Variants in PEX16 observed in about 807,000 individuals in gnomAD.
The protein encoded by PEX16 is peroxisomal biogenesis factor 16, also known as peroxin 16.
A neutral mutation model predicts 50.5 loss-of-function variants in PEX16; 37 were observed. The ratio of observed to expected loss-of-function variants is 0.73; its 90% CI spans 0.56 to 0.96. The LOEUF is 0.96. PEX16 is among the 40% of genes least tolerant of loss of function. PEX16 has a pLI of 0.00. For synonymous variants in PEX16, 185 were observed against 190.3 expected, an observed-to-expected ratio of 0.97 and a Z score of 0.23; for missense variants, 401 against 438.3, an observed-to-expected ratio of 0.91 and a Z score of 0.76.
At chr11:45,917,678 T>G (rs1286356928) in intron 1 of PEX16, 22 bp downstream of exon 1, 6 of 1,540,070 alleles carry the variant, frequency 3.9e-6, no homozygotes, top group Non-Finnish European at 5.3e-6. Context: ...CAGAAGGAAC[T>G]GATCAAAGGT....
chr11:45,910,332 C>T lies in PEX16; in HGVS notation c.953-20G>A, dbSNP rs1429078823. 2 of 1,598,192 alleles carry T rather than the reference C, an allele frequency of 1.3e-6. No homozygotes were observed. Among genetic ancestry groups the T allele is most frequent in the African/African-American group, 2.7e-5 (2 of 74,658 alleles). On this transcript the variant is annotated intron_variant, in intron 10 of 10. Transcript: ENST00000378750. ...GCGGCCCTGCAGTGGGAGAGGGACACATCAGGGCAGGCCAGACCCCAATCT... is the reference window on the plus strand; with the variant it reads ...GCGGCCCTGCAGTGGGAGAGGGACATATCAGGGCAGGCCAGACCCCAATCT...
upstream of PEX16, chr11:45,917,968 C>A (rs2086858561): frequency 1.4e-6 from 1 of 694,564 alleles, no homozygotes; most frequent in Non-Finnish European, 2.6e-6. Context: ...ACCGGTGAAC[C>A]ACCCTTCACC....
intron 3 of PEX16, 56 bp from the exon 4 acceptor site, chr11:45,915,892 G>C: frequency 6.4e-7 from 1 of 1,565,848 alleles, no homozygotes; most frequent in Non-Finnish European, 8.8e-7. Flanking sequence ...GGAGTCCCAG[G>C]CCCTTCTCCT....
rs1188619002 is a variant in PEX16, at chr11:45,915,949, G to T, written c.226-113C>A. ...GAGATGTGGACCTTCCCCTTTCCAA[G>T]CCTAACTGTGCAGGTGTGAGTTCAA... On this transcript the variant is annotated intron_variant, in intron 3 of 10. Transcript: ENST00000378750. 1.2e-5 allele frequency: 13 copies of T among 1,066,580 alleles called. No individual in the cohort carries two copies. In the Admixed American group the frequency reaches 2.4e-4, roughly 20 times the overall value. 66.1% of individuals were successfully genotyped at this position (1,066,580 alleles called of 1,614,324 possible). A position where few individuals can be genotyped will look rare whatever the true frequency, so the allele number is the denominator to read the frequency against.
Position 45,914,467 on chromosome 11 carries a change from C to T in PEX16, c.543G>A (p.Thr181=), listed in dbSNP as rs144063598. 134 of 1,607,550 alleles carry T rather than the reference C, an allele frequency of 8.3e-5. No homozygotes were observed. The African/African-American group carries it at 1.1e-3, about 14-fold the overall frequency. ...SNRVVRTLQN[T]PSLHSRHWGA... is the part of the protein sequence containing the mutation. ...CCCAGTGCCTGGAGTGCAGGGACGGCGCTAGAACACAAGGGCGGCAGATGA... is the reference window on the plus strand; with the variant it reads ...CCCAGTGCCTGGAGTGCAGGGACGGTGCTAGAACACAAGGGCGGCAGATGA... Residue 181 remains threonine (T), a splice_region_variant and synonymous_variant, in exon 7 of 11, where the codon ACG becomes ACA. Transcript: ENST00000378750.
chr11:45,917,631 G>A, intron 1 of PEX16, 69 bp downstream of exon 1: 1 of 1,463,614 alleles, frequency 6.8e-7, no homozygotes, highest in Non-Finnish European at 9.4e-7. Context: ...CCCTGACTCC[G>A]CAGGGAAGGG....
rs2086757419 is a variant in PEX16, at chr11:45,909,921, A to G, written c.*333T>C. ...CCTCACCAGGGGCCAGCGAGAGAGC[A>G]GCAGTGTTCGCTCCTATGGCTGCCG... On this transcript the variant is annotated 3_prime_UTR_variant, in exon 11 of 11. Transcript: ENST00000378750. 2 of 656,294 alleles carry G rather than the reference A, an allele frequency of 3.0e-6. No homozygotes were observed. The highest frequency in any genetic ancestry group is 5.5e-6 in the Non-Finnish European group (2 of 365,694). 40.7% of individuals were successfully genotyped at this position (656,294 alleles called of 1,614,324 possible).
intron 9 of PEX16, among the ~76,000 whole-genome samples, chr11:45,912,664 T>C (rs2086790656): frequency 6.6e-6 from 1 of 151,992 alleles, no homozygotes; most frequent in Admixed American, 6.5e-5. Context: ...CCATCACACC[T>C]GGCTAATTTT....
intron 9 of PEX16, among the ~76,000 whole-genome samples, chr11:45,911,729 G>A (rs1403836978): frequency 6.6e-6 from 1 of 152,184 alleles, no homozygotes; most frequent in Admixed American, 6.5e-5. Flanking sequence ...AGCAAGAAAA[G>A]AGGAAGCCTG....
chr11:45,911,575 G>A (rs112066054), intron 9 of PEX16, among the ~76,000 whole-genome samples: 3 of 152,218 alleles, frequency 2.0e-5, no homozygotes, highest in Non-Finnish European at 2.9e-5. Flanking sequence ...ACTGCTGTAC[G>A]CGTTAGTCAC....
At chr11:45,911,113 C>G in intron 9 of PEX16, 151 bp from the exon 10 acceptor site, 1 of 659,854 alleles carries the variant, frequency 1.5e-6, no homozygotes, top group Non-Finnish European at 2.7e-6. Context: ...GGACAAAGCC[C>G]GGTACACAAG....
intron 9 of PEX16, 90 bp downstream of exon 9, chr11:45,913,729 G>A (rs2086800904): frequency 2.1e-6 from 3 of 1,440,092 alleles, no homozygotes; most frequent in African/African-American, 1.4e-5. Context: ...CCTGGATGAG[G>A]CGTGGGGAAG....
intron 9 of PEX16, chr11:45,912,120 C>T (rs533361125): frequency 6.6e-6 from 1 of 152,370 alleles, no homozygotes; most frequent in East Asian, 1.9e-4. Context: ...GCCTTTGTTT[C>T]CCTAAAGGAC....
rs2086803401 is a variant in PEX16 at position 45,913,882 on chromosome 11, CG to C, written c.823del (p.Arg275GlyfsTer82). The stretch of plus-strand genomic sequence containing the variant: ...GTAGAGCAGCAGGATGGTCCGGCGC[CG>C]CAGCTCCCGCCGCTCCCTCCGGGTC... ...GLTRRERREL[R>X]RRTILLLYYL... On this transcript the variant is annotated frameshift_variant, in exon 9 of 11. Coordinates refer to ENST00000378750, the MANE Select transcript of PEX16 (RefSeq NM_004813.4). LOFTEE classifies it high-confidence loss of function. 1 of 1,611,574 alleles carries C rather than the reference CG, an allele frequency of 6.2e-7. No individual in the cohort carries two copies. Among genetic ancestry groups the C allele is most frequent in the African/African-American group, 1.3e-5 (1 of 74,896 alleles).
At chr11:45,917,180 T>C (rs1206999947) in intron 2 of PEX16, 1 of 692,268 alleles carries the variant, frequency 1.4e-6, no homozygotes, top group Non-Finnish European at 2.6e-6. Context: ...CCACTTAATA[T>C]GACTGTAGGG....
In PEX16 at chr11:45,916,322, C is replaced by G. The variant is rs369545841; in HGVS notation, c.149-19G>C. 7.5e-6 allele frequency: 12 copies of G among 1,600,622 alleles called. No individual in the cohort carries two copies. The highest frequency in any genetic ancestry group is 9.4e-6 in the Non-Finnish European group (11 of 1,168,400). On this transcript the variant is annotated intron_variant, in intron 2 of 10. Coordinates refer to ENST00000378750, the MANE Select transcript of PEX16 (RefSeq NM_004813.4). ...GAGTACACTGAGGGGTAGAGAGTGG[C>G]CTTGAGAGGCTGGCTCTGCAGCCTC...
Position 45,910,060 on chromosome 11 carries a change from T to C in PEX16, c.*194A>G, listed in dbSNP as rs772568150. The C allele has an allele frequency of 1.3e-6, 2 of 1,581,208 alleles. No homozygotes were observed. The highest frequency in any genetic ancestry group is 8.7e-7 in the Non-Finnish European group (1 of 1,153,388). On this transcript the variant is annotated 3_prime_UTR_variant, in exon 11 of 11. Transcript: ENST00000378750. The stretch of plus-strand genomic sequence containing the variant: ...GGCCCAGCAGTGACAAGGTGCGGGC[T>C]GCAGTGGCATCGTCACAGGAGAGCG...
intron 9 of PEX16, among the ~76,000 whole-genome samples, chr11:45,912,340 A>C (rs1027221273): frequency 5.3e-5 from 8 of 151,894 alleles, no homozygotes; most frequent in Non-Finnish European, 7.4e-5. Flanking sequence ...CTACTAAAAA[A>C]TCAAAAAAAA....
chr11:45,913,098 T>C (rs1395186680), intron 9 of PEX16, among the ~76,000 whole-genome samples: 3 of 152,082 alleles, frequency 2.0e-5, no homozygotes. Context: ...GCTAGGATTA[T>C]AGGTGTGAGC....
Sources: gnomAD v4.1 joint callset for allele counts (sites outside exome capture counted in the v4.1 genomes callset) on GRCh38, gnomAD v4.1.1 for gene constraint, MANE v1.5 for transcripts, NCBI Gene and HGNC (gene_info 2026-07-23, HGNC 2026-07-21) for gene names.